DOCK5: variants seen among roughly 807,000 people sequenced by gnomAD.
The protein encoded by DOCK5 is dedicator of cytokinesis protein 5.
In DOCK5, 142 loss-of-function variants were observed where a neutral mutation model predicts 251.8. The observed-to-expected ratio is 0.56, with a 90% confidence interval of 0.49 to 0.65. The LOEUF is 0.65. Among genes scored for constraint, DOCK5 ranks in the 30% least tolerant of loss-of-function variants. The probability of loss-of-function intolerance (pLI) is 0.00; values close to 1 mark genes in which losing one functional copy is unlikely to be tolerated. For synonymous variants in DOCK5, 842 were observed against 835.5 expected, an observed-to-expected ratio of 1.01 and a Z score of -0.13; for missense variants, 2,111 against 2,312.3, an observed-to-expected ratio of 0.91 and a Z score of 1.79.
Position 25,408,937 on chromosome 8 carries a change from CTAAG to C in DOCK5, c.5404+3_5404+6del, listed in dbSNP as rs1232884841. 6.2e-7 allele frequency: 1 copy of C among 1,613,960 alleles called. No individual in the cohort carries two copies. Among genetic ancestry groups the C allele is most frequent in the East Asian group, 2.2e-5 (1 of 44,878 alleles). ...ACTCACTCCCAAAGCCACCAGGACCCTAAGTAAGTTTTCCTGTATTCCTTATAGT... is the reference window on the plus strand; with the variant it reads ...ACTCACTCCCAAAGCCACCAGGACCCTAAGTTTTCCTGTATTCCTTATAGT... On this transcript the variant is annotated splice_donor_variant and coding_sequence_variant, in exon 50 of 52. Coordinates refer to ENST00000276440, the MANE Select transcript of DOCK5 (RefSeq NM_024940.8). LOFTEE classifies it high-confidence loss of function.
chr8:25,260,992 A>G (rs751686001), intron 2 of DOCK5, among the ~76,000 whole-genome samples: 1 of 151,872 alleles, frequency 6.6e-6, no homozygotes, highest in African/African-American at 2.4e-5. Flanking sequence ...TTGTGGAGAC[A>G]GGATTTTGGC....
chr8:25,218,247 C>G (rs185064233), intron 1 of DOCK5, among the ~76,000 whole-genome samples: 1 of 152,266 alleles, frequency 6.6e-6, no homozygotes, highest in African/African-American at 2.4e-5. Flanking sequence ...GATTAAGTGA[C>G]AGGGACTCTC....
intron 26 of DOCK5, among the ~76,000 whole-genome samples, chr8:25,351,012 T>A (rs191125864): frequency 2.0e-5 from 3 of 152,192 alleles, no homozygotes; most frequent in African/African-American, 7.2e-5. Context: ...GCCTTTAATT[T>A]CCCACACATG....
intron 1 of DOCK5, among the ~76,000 whole-genome samples, chr8:25,194,916 G>T (rs1001011863): frequency 8.3e-5 from 6 of 72,258 alleles, no homozygotes; most frequent in African/African-American, 2.0e-4. Context: ...CTACTGCAAC[G>T]GTATTTTTTT....
chr8:25,404,224 T>C (rs895722058), intron 48 of DOCK5, among the ~76,000 whole-genome samples: 1 of 152,178 alleles, frequency 6.6e-6, no homozygotes, highest in Non-Finnish European at 1.5e-5. Context: ...TTCCCCACAC[T>C]TTTTTTATAT....
At chr8:25,185,016 G>T (rs562709239) in intron 1 of DOCK5, 65 bp downstream of exon 1, 2 of 1,285,720 alleles carry the variant, frequency 1.6e-6, no homozygotes, top group Non-Finnish European at 2.0e-6. Context: ...CAGCGGCCCT[G>T]CCAGGTTTGC....
chr8:25,260,931 G>A (rs1478612889), intron 2 of DOCK5, among the ~76,000 whole-genome samples: 1 of 151,982 alleles, frequency 6.6e-6, no homozygotes, highest in African/African-American at 2.4e-5. Flanking sequence ...TAGTAGCTAG[G>A]ACTATGAATG....
intron 30 of DOCK5, among the ~76,000 whole-genome samples, chr8:25,365,656 A>G (rs1800762643): frequency 6.6e-6 from 1 of 152,092 alleles, no homozygotes; most frequent in African/African-American, 2.4e-5. Context: ...CCCTCCCACC[A>G]ATTGTGGGAG....
intron 39 of DOCK5, 132 bp from the exon 40 acceptor site, chr8:25,382,542 C>G: frequency 1.4e-6 from 1 of 706,116 alleles, no homozygotes; most frequent in East Asian, 2.8e-5. Context: ...CCTTTTCTGC[C>G]CATAGGGTGT....
chr8:25,197,972 G>T (rs538500565), intron 1 of DOCK5, among the ~76,000 whole-genome samples: 1 of 151,918 alleles, frequency 6.6e-6, no homozygotes, highest in African/African-American at 2.4e-5. Flanking sequence ...GGATGGTCTC[G>T]ATCTCCTGAC....
chr8:25,306,611 A>G (rs532223805), intron 11 of DOCK5, among the ~76,000 whole-genome samples: 3,699 of 151,910 alleles, frequency 0.024, 132 homozygotes, highest in African/African-American at 0.083. Flanking sequence ...GGAGAATGGC[A>G]TGAACCTGGA....
At chr8:25,389,360 A>G (rs1801218592) in intron 41 of DOCK5, 128 bp downstream of exon 41, 1 of 1,249,720 alleles carries the variant, frequency 8.0e-7, no homozygotes, top group Non-Finnish European at 1.1e-6. Flanking sequence ...ATTCTGACAC[A>G]GGTTCCCATT....
At chr8:25,284,642 C>G (rs570274244) in intron 5 of DOCK5, among the ~76,000 whole-genome samples, 2 of 152,376 alleles carry the variant, frequency 1.3e-5, no homozygotes, top group South Asian at 2.1e-4. Context: ...TGCTTCCACA[C>G]GGCTGAGGTG....
intron 13 of DOCK5, 41 bp from the exon 14 acceptor site, chr8:25,316,966 C>T (rs775599706): frequency 1.6e-5 from 25 of 1,606,982 alleles, no homozygotes; most frequent in Non-Finnish European, 2.0e-5. Flanking sequence ...CTTAGAATGA[C>T]TTCTCTCAGC....
At chr8:25,337,379 AATAG>A (rs1805840472) in intron 22 of DOCK5, among the ~76,000 whole-genome samples, 1 of 152,148 alleles carries the variant, frequency 6.6e-6, no homozygotes, top group Admixed American at 6.5e-5. Flanking sequence ...TCAGGATAGA[AATAG>A]ATAGTCTGAA....
intron 38 of DOCK5, 33 bp downstream of exon 38, chr8:25,377,457 A>G (rs745906415): frequency 2.5e-6 from 4 of 1,605,564 alleles, no homozygotes; most frequent in Admixed American, 1.7e-5. Flanking sequence ...ACTAGGGGAA[A>G]GAGGAAAATG....
intron 13 of DOCK5, among the ~76,000 whole-genome samples, chr8:25,311,018 A>C (rs535944038): frequency 6.6e-6 from 1 of 152,136 alleles, no homozygotes; most frequent in Middle Eastern, 3.4e-3. Context: ...TGCTCTCTCC[A>C]TTCTCTGAAG....
At position 25,299,067 on chromosome 8, in the gene DOCK5, G is replaced by T. The variant is rs1804690457; in HGVS notation, c.730G>T (p.Ala244Ser). Residue 244 changes from alanine (A) to serine (S), a missense_variant, in exon 8 of 52, where the codon GCC becomes TCC. Physicochemically the swap from Ala to Ser is moderately conservative, Grantham distance 99 (BLOSUM62 1). This residue lies in a region of DOCK5 where 335 missense variants were observed against 324.9 expected (regional missense o/e 1.03). Coordinates refer to ENST00000276440, the MANE Select transcript of DOCK5 (RefSeq NM_024940.8). ...NIGEDAELFM[A>S]LYDPDQSTFI... ...CGGGGAAGATGCAGAGTTGTTTATG[G>T]CCCTCTACGACCCAGACCAGTCCAC... is the stretch of plus-strand genomic sequence containing the variant. 1 of 1,613,760 alleles carries T rather than the reference G, an allele frequency of 6.2e-7. No homozygotes were observed. Among genetic ancestry groups the T allele is most frequent in the Non-Finnish European group, 8.5e-7 (1 of 1,179,828 alleles).
At chr8:25,373,244 C>T (rs113630278) in intron 35 of DOCK5, among the ~76,000 whole-genome samples, 2,927 of 152,154 alleles carry the variant, frequency 0.019, 45 homozygotes, top group Non-Finnish European at 0.027. Flanking sequence ...ATGATCCACA[C>T]GCCTCAGCCT....
Sources: allele counts gnomAD v4.1 joint callset (sites outside exome capture counted in the v4.1 genomes callset), GRCh38; gene constraint gnomAD v4.1.1; regional missense constraint gnomAD v4.1.1; transcripts MANE v1.5; gene names NCBI Gene and HGNC (gene_info 2026-07-23, HGNC 2026-07-21).